TMEM53: variants seen among roughly 807,000 people sequenced by gnomAD.
The protein encoded by TMEM53 is transmembrane protein 53.
In TMEM53, 14 loss-of-function variants were observed where a neutral mutation model predicts 21.4. That is an observed-to-expected ratio of 0.65 (90% CI 0.43 to 1.02). The LOEUF is 1.02. TMEM53 is among the 50% of genes least tolerant of loss of function. TMEM53 has a pLI of 0.00. For synonymous variants in TMEM53, 148 were observed against 157.4 expected (o/e 0.94, Z 0.45); for missense variants, 323 against 383.6 (o/e 0.84, Z 1.32).
intron 1 of TMEM53, among the ~76,000 whole-genome samples, chr1:44,660,843 G>A (rs1460605151): frequency 6.6e-6 from 1 of 151,796 alleles, no homozygotes; most frequent in East Asian, 1.9e-4. Flanking sequence ...CGTGGTGGCA[G>A]GTGCCTGTAG....
chr1:44,673,694 C>A, intron 1 of TMEM53: 1 of 287,146 alleles, frequency 3.5e-6, no homozygotes. Flanking sequence ...CCCCAACAGC[C>A]CTATGAGGAA....
chr1:44,672,126 A>T (rs145986853), intron 1 of TMEM53, among the ~76,000 whole-genome samples: 201 of 152,282 alleles, frequency 1.3e-3, no homozygotes, highest in African/African-American at 4.8e-3. Context: ...CAGCGTCGTG[A>T]TCTCCTTCTG....
intron 1 of TMEM53, among the ~76,000 whole-genome samples, chr1:44,664,660 C>G (rs986409323): frequency 1.3e-5 from 2 of 152,094 alleles, no homozygotes; most frequent in Admixed American, 1.3e-4. Context: ...CCATCTCCAT[C>G]ACCTCAGCTC....
chr1:44,667,430 C>T (rs1208912556), intron 1 of TMEM53, among the ~76,000 whole-genome samples: 10 of 151,678 alleles, frequency 6.6e-5, no homozygotes, highest in African/African-American at 9.7e-5. Context: ...GCCTCAGCCT[C>T]CCTAGTTGCT....
chr1:44,662,905 G>A (rs1644914051), intron 1 of TMEM53, among the ~76,000 whole-genome samples: 1 of 152,164 alleles, frequency 6.6e-6, no homozygotes, highest in South Asian at 2.1e-4. Context: ...GCTGGGATTT[G>A]TAACTCCGTT....
chr1:44,673,371 T>G (rs1287042781), intron 1 of TMEM53, among the ~76,000 whole-genome samples: 1 of 152,120 alleles, frequency 6.6e-6, no homozygotes, highest in Middle Eastern at 3.2e-3. Flanking sequence ...TGGTAGCAGT[T>G]TAAGAGGCTG....
chr1:44,670,982 T>A (rs920365464), intron 1 of TMEM53, among the ~76,000 whole-genome samples: 2 of 152,220 alleles, frequency 1.3e-5, no homozygotes, highest in African/African-American at 4.8e-5. Context: ...TCAGAGCAGC[T>A]CTGGCTTGGG....
At chr1:44,670,566 C>T (rs556725543) in intron 1 of TMEM53, among the ~76,000 whole-genome samples, 20 of 152,306 alleles carry the variant, frequency 1.3e-4, no homozygotes, top group Non-Finnish European at 2.5e-4. Flanking sequence ...CCTCTCCCAC[C>T]ACAGGGCCCA....
At chr1:44,669,824 G>A (rs1252156363) in intron 1 of TMEM53, among the ~76,000 whole-genome samples, 1 of 146,312 alleles carries the variant, frequency 6.8e-6, no homozygotes, top group Non-Finnish European at 1.5e-5. Context: ...TTGAGACGGA[G>A]TTTCGCTCTC....
chr1:44,658,937 G>T (rs1411824219), intron 2 of TMEM53, among the ~76,000 whole-genome samples: 1 of 152,204 alleles, frequency 6.6e-6, no homozygotes, highest in South Asian at 2.1e-4. Flanking sequence ...CCTCTTGCCG[G>T]GTACCTGTCC....
chr1:44,656,840 C>T (rs572877869), intron 2 of TMEM53, among the ~76,000 whole-genome samples: 2 of 152,174 alleles, frequency 1.3e-5, no homozygotes, highest in Admixed American at 6.6e-5. Flanking sequence ...GATGAAACCC[C>T]GTCTCTACTA....
intron 1 of TMEM53, among the ~76,000 whole-genome samples, chr1:44,668,161 G>T (rs1644965192): frequency 6.6e-6 from 1 of 152,116 alleles, no homozygotes; most frequent in South Asian, 2.1e-4. Flanking sequence ...GCAAAAAATT[G>T]GCCAGACTTG....
chr1:44,658,067 T>C (rs564261444), intron 2 of TMEM53, among the ~76,000 whole-genome samples: 1 of 152,224 alleles, frequency 6.6e-6, no homozygotes, highest in African/African-American at 2.4e-5. Flanking sequence ...CAACGGCCCA[T>C]TTCCCAAAGA....
chr1:44,674,229 G>A, intron 1 of TMEM53, 102 bp downstream of exon 1: 4 of 1,481,156 alleles, frequency 2.7e-6, no homozygotes, highest in Non-Finnish European at 3.6e-6. Context: ...GGCGGCCCGA[G>A]GGAGGGCGGG....
chr1:44,658,983 T>C (rs1644874859), intron 2 of TMEM53, among the ~76,000 whole-genome samples: 1 of 152,158 alleles, frequency 6.6e-6, no homozygotes, highest in Non-Finnish European at 1.5e-5. Flanking sequence ...TGACTATTCC[T>C]GGTCCCCCTG....
intron 1 of TMEM53, among the ~76,000 whole-genome samples, chr1:44,669,593 C>T (rs1644981037): frequency 1.3e-5 from 2 of 152,136 alleles, no homozygotes; most frequent in Admixed American, 6.5e-5. Context: ...AGGGTTCTCC[C>T]TACTTCACAA....
At position 44,655,688 on chromosome 1, in the gene TMEM53, C is replaced by T. The variant is rs948990761; in HGVS notation, c.184-479G>A. Among the ~76,000 whole-genome samples the T allele has an allele frequency of 6.6e-6, 1 of 152,136 alleles. No individual in the cohort carries two copies. Among genetic ancestry groups the T allele is most frequent in the Non-Finnish European group, 1.5e-5 (1 of 68,022 alleles). ...GACAGAAGTAGTACCCCCATGAGAC[C>T]AGTACCCGAGAGCTGGCCTGCAGGC... is the stretch of plus-strand genomic sequence containing the variant. On this transcript the variant is annotated intron_variant, in intron 2 of 2. Coordinates refer to ENST00000372237, the MANE Select transcript of TMEM53 (RefSeq NM_024587.4). This position sits in a 1 kb window ranked among gnomAD's most constrained non-coding sequence, Gnocchi z 4.4.
intron 1 of TMEM53, among the ~76,000 whole-genome samples, chr1:44,665,780 C>T (rs35307025): frequency 0.025 from 3,830 of 152,072 alleles, 79 homozygotes; most frequent in Non-Finnish European, 0.042. Flanking sequence ...AACTGTTAGA[C>T]GAGAACATAT....
chr1:44,654,710 A>C lies in TMEM53; in HGVS notation c.683T>G (p.Ile228Arg). The C allele has an allele frequency of 1.2e-6, 2 of 1,614,124 alleles. No individual in the cohort carries two copies. The highest frequency in any genetic ancestry group is 1.7e-6 in the Non-Finnish European group (2 of 1,180,016). ...RADEVVLARDIERMVEARLAR... is the reference protein window; with the variant it reads ...RADEVVLARDRERMVEARLAR... ...CAGGCGTGCCTCCACCATGCGTTCT[A>C]TGTCTCTGGCCAGGACTACTTCGTC... The change falls in exon 3 of 3, where the codon ATA (isoleucine) becomes AGA (arginine). Residue 228 changes from isoleucine to arginine, a missense_variant. Ile to Arg is a moderately conservative substitution (Grantham distance 97, BLOSUM62 -3). This residue lies in a region of TMEM53 where 269 missense variants were observed against 334.5 expected (regional missense o/e 0.80). Transcript: ENST00000372237. The surrounding 1 kb of genome is among the most constrained non-coding windows in gnomAD (Gnocchi z 7.0).
Sources: allele counts gnomAD v4.1 joint callset (sites outside exome capture counted in the v4.1 genomes callset), GRCh38; gene constraint gnomAD v4.1.1; regional missense constraint gnomAD v4.1.1; non-coding constraint Gnocchi (gnomAD v3.1); transcripts MANE v1.5; gene names NCBI Gene and HGNC (gene_info 2026-07-23, HGNC 2026-07-21).